TP63: variants seen among roughly 807,000 people sequenced by gnomAD.
The protein encoded by TP63 is tumor protein p63.
A neutral mutation model predicts 82.8 loss-of-function variants in TP63; 17 were observed. That is an observed-to-expected ratio of 0.21 (90% confidence interval 0.14 to 0.31). TP63 has a LOEUF of 0.31. Among genes scored for constraint, TP63 ranks in the 10% least tolerant of loss-of-function variants. The pLI, the probability that TP63 is intolerant of heterozygous loss-of-function variation, is 1.00. For synonymous variants in TP63, 330 were observed against 321.7 expected, an observed-to-expected ratio of 1.03 and a Z score of -0.28; for missense variants, 648 against 895.3, an observed-to-expected ratio of 0.72 and a Z score of 3.52.
chr3:189,874,316 C>T (rs1180105755), intron 10 of TP63, among the ~76,000 whole-genome samples: 1 of 152,188 alleles, frequency 6.6e-6, no homozygotes, highest in Non-Finnish European at 1.5e-5. Flanking sequence ...AGGTGATCCA[C>T]CCACCTCGGC....
the TP63 span, among the ~76,000 whole-genome samples, chr3:189,625,865 G>A: frequency 1.3e-5 from 2 of 152,156 alleles, no homozygotes; most frequent in African/African-American, 2.4e-5. Context: ...TGGACACTGG[G>A]TGTGACTTTG....
At chr3:189,610,431 C>T in the TP63 span, among the ~76,000 whole-genome samples, 3 of 152,144 alleles carry the variant, frequency 2.0e-5, no homozygotes, top group Admixed American at 2.0e-4. Context: ...TTCAAAGTTC[C>T]ACAAATCTCT....
chr3:189,619,492 A>G, the TP63 span, among the ~76,000 whole-genome samples: 1 of 152,128 alleles, frequency 6.6e-6, no homozygotes, highest in Non-Finnish European at 1.5e-5. Context: ...TCTAACTACC[A>G]CATTTTCAGT....
intron 4 of TP63, among the ~76,000 whole-genome samples, chr3:189,820,733 A>C (rs1315690366): frequency 2.6e-5 from 4 of 152,220 alleles, no homozygotes; most frequent in Admixed American, 2.6e-4. Context: ...ATAAACTTCT[A>C]ATATGAGGAA....
At chr3:189,601,895 A>G in the TP63 span, among the ~76,000 whole-genome samples, 1 of 152,198 alleles carries the variant, frequency 6.6e-6, no homozygotes, top group Non-Finnish European at 1.5e-5. Context: ...GATTGGAAAG[A>G]GATGCCCACG....
chr3:189,789,167 T>G (rs1375547379), intron 3 of TP63, among the ~76,000 whole-genome samples: 1 of 152,004 alleles, frequency 6.6e-6, no homozygotes, highest in Admixed American at 6.6e-5. Flanking sequence ...AGGCAGTGGG[T>G]TTTAATTTTT....
the TP63 span, among the ~76,000 whole-genome samples, chr3:189,597,017 G>A: frequency 6.6e-6 from 1 of 152,016 alleles, no homozygotes; most frequent in Non-Finnish European, 1.5e-5. Context: ...CGAACCCACC[G>A]TAAGGAAGAA....
chr3:189,820,600 A>T (rs1214935462), intron 4 of TP63, among the ~76,000 whole-genome samples: 1 of 152,208 alleles, frequency 6.6e-6, no homozygotes, highest in African/African-American at 2.4e-5. Context: ...AGGGGAAGTG[A>T]AATGGTTTGT....
chr3:189,833,681 T>C (rs1025660099), intron 4 of TP63, among the ~76,000 whole-genome samples: 2 of 98,522 alleles, frequency 2.0e-5, no homozygotes, highest in African/African-American at 1.2e-4. Flanking sequence ...TCTCTCTCTT[T>C]TTTTTTTTTT....
intron 1 of TP63, chr3:189,645,491 G>GTT (rs1560081235): frequency 3.2e-5 from 7 of 215,462 alleles, no homozygotes; most frequent in Non-Finnish European, 6.4e-5. Flanking sequence ...TTTTTATTGT[G>GTT]TTTTTTAATT....
At chr3:189,674,319 C>T (rs1012410858) in intron 1 of TP63, among the ~76,000 whole-genome samples, 3 of 152,190 alleles carry the variant, frequency 2.0e-5, no homozygotes, top group East Asian at 1.9e-4. Context: ...AAACCACAGT[C>T]GTCATTCTTG....
At chr3:189,747,587 G>A (rs922294525) in intron 3 of TP63, among the ~76,000 whole-genome samples, 1 of 152,038 alleles carries the variant, frequency 6.6e-6, no homozygotes, top group Non-Finnish European at 1.5e-5. Context: ...CAAAAGCAGT[G>A]TTAACAGGGA....
chr3:189,839,675 G>A (rs1048341875), intron 4 of TP63, among the ~76,000 whole-genome samples: 2 of 152,198 alleles, frequency 1.3e-5, no homozygotes, highest in African/African-American at 4.8e-5. Flanking sequence ...GGAAACAACA[G>A]CTCAGCTAAA....
Position 189,750,871 on chromosome 3 carries a change from A to G in TP63, c.324+12097A>G, listed in dbSNP as rs183234341. Among the ~76,000 whole-genome samples the G allele has an allele frequency of 2.9e-3, 446 of 152,170 alleles. 2 individuals carry two copies. Among genetic ancestry groups the G allele is most frequent in the Middle Eastern group, 0.014 (4 of 294 alleles). ...TCTAAGGTACGTGTGCACCACGTGT[A>G]GGTTTGTTACATAGGTATACATGTG... On this transcript the variant is annotated intron_variant, in intron 3 of 13. Transcript: ENST00000264731.
At position 189,655,823 on chromosome 3, in the gene TP63, T is replaced by A. The variant is rs182130905; in HGVS notation, c.62+24246T>A. Among the ~76,000 whole-genome samples the A allele has an allele frequency of 2.0e-5, 3 of 152,252 alleles. No homozygotes were observed. In the East Asian group the frequency reaches 5.8e-4, roughly 29 times the overall value. Reference sequence around the variant, plus strand: ...AGAAAAAACCCACACATTGTTGGGCTTTTCTGTCATTAACCCATCAGGTTC... The same window carrying A: ...AGAAAAAACCCACACATTGTTGGGCATTTCTGTCATTAACCCATCAGGTTC... On this transcript the variant is annotated intron_variant, in intron 1 of 13. Coordinates refer to ENST00000264731, the MANE Select transcript of TP63 (RefSeq NM_003722.5).
chr3:189,894,437 G>T lies in TP63; in HGVS notation c.1978G>T (p.Asp660Tyr). ...TTTCCCACCCCGAGATGAGTGGAAT[G>T]ACTTCAACTTTGACATGGATGCTCG... ...ISFPPRDEWN[D>Y]FNFDMDARRN... Residue 660 changes from aspartate (D) to tyrosine (Y), a missense_variant, in exon 14 of 14, where the codon GAC becomes TAC. Coordinates refer to ENST00000264731, the MANE Select transcript of TP63 (RefSeq NM_003722.5). 1 of 1,614,052 alleles carries T rather than the reference G, an allele frequency of 6.2e-7. No homozygotes were observed. The highest frequency in any genetic ancestry group is 1.1e-5 in the South Asian group (1 of 91,040).
intron 13 of TP63, among the ~76,000 whole-genome samples, chr3:189,893,673 G>A (rs747996013): frequency 3.9e-5 from 6 of 152,178 alleles, no homozygotes; most frequent in Non-Finnish European, 7.4e-5. Flanking sequence ...CTTTAAACTT[G>A]TCAACCTCTC....
intron 1 of TP63, among the ~76,000 whole-genome samples, chr3:189,688,736 A>G (rs1016690030): frequency 7.2e-5 from 11 of 152,172 alleles, no homozygotes; most frequent in Non-Finnish European, 1.5e-4. Context: ...AGCCAAAAGC[A>G]AATACGTTGT....
intron 1 of TP63, among the ~76,000 whole-genome samples, chr3:189,659,402 G>A (rs1368369114): frequency 6.6e-6 from 1 of 151,950 alleles, no homozygotes; most frequent in Non-Finnish European, 1.5e-5. Flanking sequence ...CTCTTTTATG[G>A]CTGTGTAGTA....
Sources: gnomAD v4.1 joint callset for allele counts (sites outside exome capture counted in the v4.1 genomes callset) on GRCh38, gnomAD v4.1.1 for gene constraint, MANE v1.5 for transcripts, NCBI Gene and HGNC (gene_info 2026-07-23, HGNC 2026-07-21) for gene names.